The following MTHFD1L variants were observed in gnomAD, a reference collection of about 807,000 sequenced individuals.
MTHFD1L encodes methylenetetrahydrofolate dehydrogenase (NADP+ dependent) 1 like, also known as monofunctional C1-tetrahydrofolate synthase, mitochondrial.
Under a neutral mutation model 119.5 loss-of-function variants are expected in MTHFD1L, and 81 were observed. The observed-to-expected ratio is 0.68, with a 90% CI of 0.57 to 0.82. The LOEUF is 0.82. Ranked by LOEUF, MTHFD1L falls within the 40% of genes least tolerant of loss-of-function variation. The pLI, the probability that MTHFD1L is intolerant of heterozygous loss-of-function variation, is 0.00. For missense variants in MTHFD1L, 1,125 were observed against 1,253.4 expected (o/e 0.90, Z 1.55); for synonymous variants, 430 against 475.2 (o/e 0.90, Z 1.24).
intron 11 of MTHFD1L, among the ~76,000 whole-genome samples, chr6:150,934,398 C>A (rs1791696232): frequency 6.6e-6 from 1 of 152,078 alleles, no homozygotes; most frequent in Non-Finnish European, 1.5e-5. Context: ...TTCCATGTAC[C>A]CTCATAATTC....
intron 26 of MTHFD1L, among the ~76,000 whole-genome samples, chr6:151,038,154 G>A (rs1360526976): frequency 1.3e-5 from 2 of 152,208 alleles, no homozygotes; most frequent in Non-Finnish European, 2.9e-5. Context: ...ATGAGCAGGT[G>A]TGAGACGCAT....
chr6:151,049,172 A>G (rs948949595), intron 26 of MTHFD1L, among the ~76,000 whole-genome samples: 1 of 152,216 alleles, frequency 6.6e-6, no homozygotes, highest in Non-Finnish European at 1.5e-5. Context: ...CCTGGCCAAC[A>G]TGGTGAAACC....
intron 4 of MTHFD1L, among the ~76,000 whole-genome samples, chr6:150,882,130 C>G (rs1781482308): frequency 6.6e-6 from 1 of 152,150 alleles, no homozygotes; most frequent in Non-Finnish European, 1.5e-5. Flanking sequence ...CAAAATGTAG[C>G]TTGGTCTTTT....
intron 20 of MTHFD1L, among the ~76,000 whole-genome samples, chr6:150,985,703 C>G (rs1259105660): frequency 2.0e-5 from 3 of 150,044 alleles, no homozygotes; most frequent in Non-Finnish European, 3.0e-5. Flanking sequence ...AAAGAAAACT[C>G]TCCTTTGAAT....
intron 16 of MTHFD1L, among the ~76,000 whole-genome samples, chr6:150,953,210 C>T (rs1226146401): frequency 6.6e-6 from 1 of 152,216 alleles, no homozygotes; most frequent in Non-Finnish European, 1.5e-5. Flanking sequence ...TGATTGAACA[C>T]CTTGTACTGC....
At position 150,990,280 on chromosome 6, in the gene MTHFD1L, A is replaced by T. The variant is rs910869986; in HGVS notation, c.2125+18222A>T. 4.6e-5 allele frequency among the ~76,000 whole-genome samples: 7 copies of T among 151,798 alleles called. No homozygotes were observed. In the East Asian group the frequency reaches 1.4e-3, roughly 29 times the overall value. The stretch of plus-strand genomic sequence containing the variant: ...GCGACGGAGTGAGATTCTGTCTCAA[A>T]AAAAAAAAAGGCTTTTTCAAGAACC... On this transcript the variant is annotated intron_variant, in intron 20 of 27. Transcript: ENST00000367321.
rs1778197091 is a variant in MTHFD1L at position 150,865,833 on chromosome 6, G to A, written c.11G>A (p.Arg4His). ...CAGCCGTCCCGCGCCATGGGCACGC[G>A]TCTGCCGCTCGTCCTGCGCCAGCTC... The part of the protein sequence containing the change: MGT[R>H]LPLVLRQLRR... Residue 4 changes from arginine (R) to histidine (H), a missense_variant, in exon 1 of 28, where the codon CGT becomes CAT. This residue lies in a region of MTHFD1L where 1,058 missense variants were observed against 1,151.2 expected (regional missense o/e 0.92). Transcript: ENST00000367321. The A allele has an allele frequency of 1.6e-6, 2 of 1,266,492 alleles. No individual in the cohort carries two copies. The highest frequency in any genetic ancestry group is 1.6e-5 in the African/African-American group (1 of 62,794). 78.5% of individuals were successfully genotyped at this position (1,266,492 alleles called of 1,614,324 possible).
intron 13 of MTHFD1L, among the ~76,000 whole-genome samples, chr6:150,939,681 C>CTATTTTTTTTT (rs1175796074): frequency 5.3e-5 from 5 of 94,092 alleles, no homozygotes; most frequent in African/African-American, 2.9e-4. Flanking sequence ...TCCTTGCAGA[C>CTATTTTTTTTT]TCTTTTTTTT....
intron 27 of MTHFD1L, among the ~76,000 whole-genome samples, chr6:151,100,606 A>G (rs1378052006): frequency 6.6e-6 from 1 of 151,430 alleles, no homozygotes; most frequent in African/African-American, 2.4e-5. Flanking sequence ...AGAGAGGTGA[A>G]CACATTATTT....
At chr6:150,961,748 C>CA (rs34322789) in intron 18 of MTHFD1L, among the ~76,000 whole-genome samples, 71,198 of 151,544 alleles carry the variant, frequency 0.47, 17,613 homozygotes, top group South Asian at 0.59. Flanking sequence ...CAACGTATGT[C>CA]GCAGCCTATG....
intron 6 of MTHFD1L, among the ~76,000 whole-genome samples, chr6:150,887,550 G>A (rs2128776189): frequency 6.6e-6 from 1 of 152,294 alleles, no homozygotes; most frequent in Non-Finnish European, 1.5e-5. Context: ...CTGCCTCCCA[G>A]GTTCAAGTGA....
intron 26 of MTHFD1L, among the ~76,000 whole-genome samples, chr6:151,079,737 C>T (rs1030356107): frequency 6.6e-6 from 1 of 151,768 alleles, no homozygotes; most frequent in African/African-American, 2.4e-5. Context: ...GATCTGCCCA[C>T]CTCGGCCTCC....
intron 21 of MTHFD1L, among the ~76,000 whole-genome samples, chr6:151,013,538 C>T (rs1012707299): frequency 8.5e-5 from 13 of 152,094 alleles, no homozygotes; most frequent in Admixed American, 7.2e-4. Flanking sequence ...ATTACTGATC[C>T]CAGGTTCCCC....
chr6:150,938,793 T>A, intron 13 of MTHFD1L, 48 bp downstream of exon 13: 1 of 1,565,138 alleles, frequency 6.4e-7, no homozygotes, highest in Non-Finnish European at 8.7e-7. Context: ...GTTTCCTTCC[T>A]GACATCTTGT....
chr6:151,069,713 C>T (rs979881968), intron 26 of MTHFD1L, among the ~76,000 whole-genome samples: 1 of 152,162 alleles, frequency 6.6e-6, no homozygotes, highest in South Asian at 2.1e-4. Flanking sequence ...GGTGGGATCT[C>T]TCTGGTGACC....
chr6:150,911,081 A>G (rs960158380), intron 8 of MTHFD1L, among the ~76,000 whole-genome samples: 6 of 152,200 alleles, frequency 3.9e-5, no homozygotes, highest in Non-Finnish European at 8.8e-5. Context: ...TTCTAGATCT[A>G]TCCCTGAAGT....
intron 20 of MTHFD1L, among the ~76,000 whole-genome samples, chr6:150,998,832 A>AAAAAAAC (rs1378221719): frequency 6.6e-6 from 1 of 150,442 alleles, no homozygotes; most frequent in African/African-American, 2.5e-5. Flanking sequence ...CAAAAAAAAA[A>AAAAAAAC]AAAAAACATT....
At chr6:151,010,498 C>T (rs1782065677) in intron 21 of MTHFD1L, among the ~76,000 whole-genome samples, 1 of 152,194 alleles carries the variant, frequency 6.6e-6, no homozygotes, top group African/African-American at 2.4e-5. Context: ...CCTCACAACT[C>T]TGTTATAATA....
chr6:151,098,764 A>G (rs567715854), intron 27 of MTHFD1L, among the ~76,000 whole-genome samples: 44 of 152,378 alleles, frequency 2.9e-4, no homozygotes, highest in Non-Finnish European at 5.9e-5. Context: ...CTTCCAACGC[A>G]TAAGCAATAA....
Sources: gnomAD v4.1 joint callset for allele counts (sites outside exome capture counted in the v4.1 genomes callset) on GRCh38, gnomAD v4.1.1 for gene constraint, gnomAD v4.1.1 regional missense constraint, MANE v1.5 for transcripts, NCBI Gene and HGNC (gene_info 2026-07-23, HGNC 2026-07-21) for gene names.